The following TPGS2 variants were observed in gnomAD, a reference collection of about 807,000 sequenced individuals.
The protein encoded by TPGS2 is polyglutamylase subunit 2.
TPGS2 carries 26 observed loss-of-function variants against 31.1 expected under a neutral mutation model. The ratio of observed to expected loss-of-function variants is 0.84; its 90% CI spans 0.61 to 1.16. The LOEUF (loss-of-function observed/expected upper bound fraction) is 1.16. Ranked by LOEUF, TPGS2 falls within the 50% of genes most tolerant of loss-of-function variation. The pLI is 0.00. For synonymous variants in TPGS2, 130 were observed against 136.6 expected (o/e 0.95, Z 0.34); for missense variants, 351 against 363.8 (o/e 0.96, Z 0.29).
Position 36,821,823 on chromosome 18 carries a change from C to G in TPGS2, c.86-2850G>C, listed in dbSNP as rs149535460. Among the ~76,000 whole-genome samples, 448 of 152,330 alleles carry G rather than the reference C, an allele frequency of 2.9e-3. 4 individuals carry two copies. The highest frequency in any genetic ancestry group is 9.8e-3 in the African/African-American group (407 of 41,578). ...TGATGTGGCAGTTACTGCAGACTGGCTCAATTAACACCTCCTCCTGTTCCC... is the reference window on the plus strand; with the variant it reads ...TGATGTGGCAGTTACTGCAGACTGGGTCAATTAACACCTCCTCCTGTTCCC... On this transcript the variant is annotated intron_variant, in intron 1 of 6. Coordinates refer to ENST00000334295, the MANE Select transcript of TPGS2 (RefSeq NM_015476.4).
intron 3 of TPGS2, 111 bp downstream of exon 3, chr18:36,807,736 C>T (rs1369936181): frequency 3.3e-6 from 3 of 899,820 alleles, no homozygotes; most frequent in African/African-American, 1.7e-5. Context: ...ACTTGAGGGG[C>T]ACCCATGAAA....
downstream of TPGS2, chr18:36,781,926 A>G: frequency 4.1e-6 from 4 of 985,292 alleles, no homozygotes; most frequent in Non-Finnish European, 4.8e-6. Context: ...TAATCACCTT[A>G]TTGAAAAGAA....
rs2046339927 is a variant in TPGS2, at chr18:36,828,972, C to A, written c.-205G>T. Reference sequence around the variant, plus strand: ...CCGCGGCCCCGCCCGGTGCCCCACACCGCACCTCCGGGACGTAGCTTCCCC... The same window carrying A: ...CCGCGGCCCCGCCCGGTGCCCCACAACGCACCTCCGGGACGTAGCTTCCCC... On this transcript the variant is annotated 5_prime_UTR_variant, in exon 1 of 7. Coordinates refer to ENST00000334295, the MANE Select transcript of TPGS2 (RefSeq NM_015476.4). The A allele has an allele frequency of 3.0e-5, 31 of 1,038,500 alleles. No individual in the cohort carries two copies. In the South Asian group the frequency reaches 4.9e-4, roughly 16 times the overall value. 64.3% of individuals were successfully genotyped at this position (1,038,500 alleles called of 1,614,324 possible).
chr18:36,805,804 C>T (rs775771733), intron 3 of TPGS2, among the ~76,000 whole-genome samples: 2 of 152,148 alleles, frequency 1.3e-5, no homozygotes, highest in Non-Finnish European at 2.9e-5. Context: ...GGCTTTGGGA[C>T]ATTTGAAGGG....
intron 1 of TPGS2, among the ~76,000 whole-genome samples, chr18:36,823,604 G>A (rs1425066042): frequency 2.0e-5 from 3 of 151,122 alleles, no homozygotes; most frequent in Non-Finnish European, 3.0e-5. Flanking sequence ...GGGACTACAG[G>A]CGCCCGCTAC....
chr18:36,823,438 C>T (rs1417101329), intron 1 of TPGS2, among the ~76,000 whole-genome samples: 1 of 149,764 alleles, frequency 6.7e-6, no homozygotes, highest in East Asian at 1.9e-4. Flanking sequence ...TCAAATCTCT[C>T]TGACTTCCTT....
chr18:36,792,060 T>C (rs146315796), downstream of TPGS2, among the ~76,000 whole-genome samples: 41 of 150,136 alleles, frequency 2.7e-4, no homozygotes, highest in African/African-American at 9.5e-4. Flanking sequence ...GGGAAATTCA[T>C]CTCAAGATCC....
chr18:36,828,872 G>A lies in TPGS2; in HGVS notation c.-105C>T. 7.2e-7 allele frequency: 1 copy of A among 1,381,384 alleles called. No homozygotes were observed. Among genetic ancestry groups the A allele is most frequent in the East Asian group, 2.4e-5 (1 of 41,590 alleles). 85.6% of individuals were successfully genotyped at this position (1,381,384 alleles called of 1,614,324 possible). A position where few individuals can be genotyped will look rare whatever the true frequency, so the allele number is the denominator to read the frequency against. ...CATGCCGGGAACGGTAGTTCTCGGC[G>A]CCTGAAAGCGCGGCGCAGTGATGAT... On this transcript the variant is annotated 5_prime_UTR_variant, in exon 1 of 7. Transcript: ENST00000334295.
intron 1 of TPGS2, among the ~76,000 whole-genome samples, chr18:36,827,728 T>A (rs2046233572): frequency 6.6e-6 from 1 of 152,216 alleles, no homozygotes; most frequent in Non-Finnish European, 1.5e-5. Context: ...TCTAGCATCA[T>A]CTCCTCTGTG....
chr18:36,795,606 T>A lies in TPGS2; in HGVS notation c.*1199A>T, dbSNP rs1198281705. On this transcript the variant is annotated 3_prime_UTR_variant, in exon 7 of 7. Coordinates refer to ENST00000334295, the MANE Select transcript of TPGS2 (RefSeq NM_015476.4). ...CTAATTGAAAATCTGAGCAACCTTC[T>A]CTGTAAAAATTTCATTAAATGTAGT... is the stretch of plus-strand genomic sequence containing the variant. 1.0e-6 allele frequency: 1 copy of A among 985,358 alleles called. No individual in the cohort carries two copies. Among genetic ancestry groups the A allele is most frequent in the Admixed American group, 6.1e-5 (1 of 16,270 alleles). 61.0% of individuals were successfully genotyped at this position (985,358 alleles called of 1,614,324 possible). A position where few individuals can be genotyped will look rare whatever the true frequency, so the allele number is the denominator to read the frequency against.
chr18:36,796,716 C>T lies in TPGS2; in HGVS notation c.*89G>A. 6.6e-7 allele frequency: 1 copy of T among 1,510,470 alleles called. No homozygotes were observed. Among genetic ancestry groups the T allele is most frequent in the Non-Finnish European group, 8.8e-7 (1 of 1,138,564 alleles). 93.6% of individuals were successfully genotyped at this position (1,510,470 alleles called of 1,614,324 possible). The stretch of plus-strand genomic sequence containing the variant: ...ATTCAACTAGAAAGAGGCCTACGGT[C>T]CACACGCAAAACTGGAGGTCACCCC... On this transcript the variant is annotated 3_prime_UTR_variant, in exon 7 of 7. Coordinates refer to ENST00000334295, the MANE Select transcript of TPGS2 (RefSeq NM_015476.4).
At chr18:36,812,564 T>C (rs1312586500) in intron 2 of TPGS2, among the ~76,000 whole-genome samples, 1 of 152,198 alleles carries the variant, frequency 6.6e-6, no homozygotes, top group Admixed American at 6.5e-5. Context: ...CCTTGCTCTG[T>C]GCATCTCTTC....
At chr18:36,790,110 C>A (rs1395316794), downstream of TPGS2, 2 of 152,226 alleles carry the variant, frequency 1.3e-5, no homozygotes, top group Admixed American at 1.3e-4. Context: ...ACATATCCCA[C>A]CTAGAAGATA....
chr18:36,813,562 T>C (rs1365380547), intron 2 of TPGS2, among the ~76,000 whole-genome samples: 3 of 152,222 alleles, frequency 2.0e-5, no homozygotes, highest in Non-Finnish European at 4.4e-5. Context: ...TTCAGTACTT[T>C]TGATGGCTGC....
intron 5 of TPGS2, 44 bp downstream of exon 5, chr18:36,800,154 G>T: frequency 6.4e-7 from 1 of 1,566,074 alleles, no homozygotes; most frequent in South Asian, 1.1e-5. Flanking sequence ...GGTCAGGCAA[G>T]ACCCTAGCCA....
At chr18:36,824,937 A>C (rs1206089077) in intron 1 of TPGS2, among the ~76,000 whole-genome samples, 8 of 152,128 alleles carry the variant, frequency 5.3e-5, no homozygotes, top group Admixed American at 5.2e-4. Context: ...AATGTCACTT[A>C]AAAAAGGAAC....
intron 4 of TPGS2, among the ~76,000 whole-genome samples, chr18:36,803,098 T>C (rs1377149937): frequency 6.6e-6 from 1 of 152,236 alleles, no homozygotes; most frequent in Admixed American, 6.5e-5. Flanking sequence ...CTAATTAGCA[T>C]ATCTACCACT....
chr18:36,809,459 G>GT (rs1376549940), intron 2 of TPGS2, among the ~76,000 whole-genome samples: 1 of 152,082 alleles, frequency 6.6e-6, no homozygotes, highest in African/African-American at 2.4e-5. Context: ...ATCAAGTTTT[G>GT]TTTTTTCTGT....
At chr18:36,797,777 G>T (rs991156704) in intron 6 of TPGS2, among the ~76,000 whole-genome samples, 1 of 151,748 alleles carries the variant, frequency 6.6e-6, no homozygotes. Flanking sequence ...AGCCACACTT[G>T]GTGTTTTCAA....
Sources: allele counts gnomAD v4.1 joint callset (sites outside exome capture counted in the v4.1 genomes callset), GRCh38; gene constraint gnomAD v4.1.1; transcripts MANE v1.5; gene names NCBI Gene and HGNC (gene_info 2026-07-23, HGNC 2026-07-21).